EML1: variants seen among roughly 807,000 people sequenced by gnomAD.
EML1 encodes echinoderm microtubule-associated protein-like 1.
A neutral mutation model predicts 110.4 loss-of-function variants in EML1; 27 were observed. That is an observed-to-expected ratio of 0.24 (90% CI 0.18 to 0.34). EML1 has a LOEUF of 0.34. Among genes scored for constraint, EML1 ranks in the 10% least tolerant of loss-of-function variants. The pLI, the probability that EML1 is intolerant of heterozygous loss-of-function variation, is 1.00. For missense variants in EML1, 741 were observed against 1,030.9 expected (o/e 0.72, Z 3.85); for synonymous variants, 344 against 385.8 (o/e 0.89, Z 1.27).
intron 1 of EML1, among the ~76,000 whole-genome samples, chr14:99,801,787 G>A (rs1257318624): frequency 6.6e-6 from 1 of 152,058 alleles, no homozygotes; most frequent in Non-Finnish European, 1.5e-5. Flanking sequence ...GTTTGGTTTT[G>A]GCAGCAGACC....
chr14:99,828,030 A>G (rs1017464489), intron 1 of EML1, among the ~76,000 whole-genome samples: 7 of 152,304 alleles, frequency 4.6e-5, no homozygotes, highest in Admixed American at 1.3e-4. Context: ...AGGTCATTTC[A>G]TAGATGTTTG....
At chr14:99,865,461 T>C in intron 2 of EML1, 53 bp from the exon 3 acceptor site, 3 of 1,608,524 alleles carry the variant, frequency 1.9e-6, no homozygotes, top group Non-Finnish European at 2.5e-6. Context: ...TGCTGTAAAA[T>C]GTTACCTTTG....
At chr14:99,860,505 C>T (rs2058984895) in intron 2 of EML1, among the ~76,000 whole-genome samples, 1 of 152,194 alleles carries the variant, frequency 6.6e-6, no homozygotes, top group Admixed American at 6.5e-5. Flanking sequence ...TCAGACTCAA[C>T]ACTAGGAGGT....
rs1311701280 is a variant in EML1 at position 99,851,025 on chromosome 14, A to G, written c.240A>G (p.Gly80=). 1 of 1,612,784 alleles carries G rather than the reference A, an allele frequency of 6.2e-7. No homozygotes were observed. Among genetic ancestry groups the G allele is most frequent in the South Asian group, 1.1e-5 (1 of 91,004 alleles). ...AGCAGGCCGTGCTTAACAGGAAAGG[A>G]CCTACCAAAGGTGGGCGTTTGAGTG... The part of the protein sequence containing the change: ...EEQQAVLNRK[G]PTKARPLMQT... Residue 80 remains glycine (G), a synonymous_variant, in exon 2 of 22, where the codon GGA becomes GGG. Coordinates refer to ENST00000262233, the MANE Select transcript of EML1 (RefSeq NM_004434.3).
chr14:99,882,684 C>T (rs949281113), intron 4 of EML1, among the ~76,000 whole-genome samples: 3 of 143,898 alleles, frequency 2.1e-5, no homozygotes, highest in Non-Finnish European at 4.5e-5. Context: ...AAGAAAATTG[C>T]CAAAAAAATC....
At chr14:99,839,769 G>A (rs1365053167) in intron 1 of EML1, among the ~76,000 whole-genome samples, 2 of 152,200 alleles carry the variant, frequency 1.3e-5, no homozygotes, top group Admixed American at 1.3e-4. Context: ...TTATTTTGAG[G>A]TGGGATCGAT....
rs151228442 is a variant in EML1 at position 99,898,287 on chromosome 14, A to G, written c.882A>G (p.Thr294=). The G allele has an allele frequency of 1.2e-4, 195 of 1,611,642 alleles. 1 individual carries two copies. Among genetic ancestry groups the G allele is most frequent in the South Asian group, 1.2e-3 (105 of 90,674 alleles). ...TAGCAACAGGACAAGTTGCGGGCACATCGAAGGATGGAAAAGTGAGTTACG... is the reference window on the plus strand; with the variant it reads ...TAGCAACAGGACAAGTTGCGGGCACGTCGAAGGATGGAAAAGTGAGTTACG... The part of the protein sequence containing the change: ...ITIATGQVAG[T]SKDGKQLPPH... Residue 294 remains threonine (T), a synonymous_variant, in exon 8 of 22, where the codon ACA becomes ACG. Transcript: ENST00000262233.
intron 1 of EML1, among the ~76,000 whole-genome samples, chr14:99,738,343 C>T (rs139180300): frequency 5.9e-5 from 9 of 152,232 alleles, no homozygotes. Flanking sequence ...TGTGTGCCCT[C>T]ATATCCTCTA....
chr14:99,743,618 G>T (rs186261739), intron 1 of EML1, among the ~76,000 whole-genome samples: 1 of 152,140 alleles, frequency 6.6e-6, no homozygotes, highest in Non-Finnish European at 1.5e-5. Flanking sequence ...CCCAAGTCCC[G>T]ACATCAGGCA....
intron 1 of EML1, among the ~76,000 whole-genome samples, chr14:99,786,008 C>T (rs930388867): frequency 2.0e-5 from 3 of 146,878 alleles, no homozygotes; most frequent in Non-Finnish European, 4.4e-5. Flanking sequence ...GGCACATTCA[C>T]GGCTAGTTCA....
intron 1 of EML1, among the ~76,000 whole-genome samples, chr14:99,823,881 T>C (rs981712572): frequency 2.0e-5 from 3 of 152,174 alleles, no homozygotes; most frequent in African/African-American, 7.2e-5. Context: ...TCCCTGATTC[T>C]TCCAGGCTAA....
chr14:99,860,997 A>G (rs552582511), intron 2 of EML1, among the ~76,000 whole-genome samples: 263 of 152,158 alleles, frequency 1.7e-3, no homozygotes, highest in Middle Eastern at 6.8e-3. Flanking sequence ...CCTATTTTCT[A>G]TTTCTTCTTT....
Position 99,940,163 on chromosome 14 carries a change from G to T in EML1, c.*51G>T, listed in dbSNP as rs758418746. ...GCATGGGCAAGGAAGACACAGACTC[G>T]CATTACCCTTGGTCACTGTGATTTC... On this transcript the variant is annotated 3_prime_UTR_variant, in exon 22 of 22. Transcript: ENST00000262233. 4 of 1,432,766 alleles carry T rather than the reference G, an allele frequency of 2.8e-6. No individual in the cohort carries two copies. The highest frequency in any genetic ancestry group is 2.8e-6 in the Non-Finnish European group (3 of 1,088,900). The allele number at this position is 1,432,766 out of a possible 1,614,324, so 88.8% of individuals were successfully genotyped here.
In EML1 at chr14:99,917,832, C is replaced by CG; in HGVS notation, c.1805dup (p.Thr603AsnfsTer10). The stretch of plus-strand genomic sequence containing the variant: ...ATCCTTCAGGGTCTGTGGTTGCAGT[C>CG]GGAACACTCACTGGGAGGTAAGTCC... On this transcript the variant is annotated frameshift_variant, in exon 16 of 22. Coordinates refer to ENST00000262233, the MANE Select transcript of EML1 (RefSeq NM_004434.3). LOFTEE classifies it high-confidence loss of function. 1 of 1,614,142 alleles carries CG rather than the reference C, an allele frequency of 6.2e-7. No homozygotes were observed. Among genetic ancestry groups the CG allele is most frequent in the Non-Finnish European group, 8.5e-7 (1 of 1,180,030 alleles).
chr14:99,893,976 T>G (rs1401990055), intron 5 of EML1, among the ~76,000 whole-genome samples: 2 of 152,254 alleles, frequency 1.3e-5, no homozygotes, highest in African/African-American at 2.4e-5. Flanking sequence ...AAAGTTATTT[T>G]ATTATAGAAA....
chr14:99,792,320 T>C (rs2057684682), upstream of EML1, among the ~76,000 whole-genome samples: 1 of 152,244 alleles, frequency 6.6e-6, no homozygotes, highest in Non-Finnish European at 1.5e-5. Context: ...AACTGAATTA[T>C]GACTGATGCA....
chr14:99,803,818 C>T (rs975207746), intron 1 of EML1, among the ~76,000 whole-genome samples: 2 of 152,138 alleles, frequency 1.3e-5, no homozygotes, highest in African/African-American at 4.8e-5. Flanking sequence ...AGTTGAGAAA[C>T]GATTGAATGG....
intron 1 of EML1, among the ~76,000 whole-genome samples, chr14:99,754,799 C>T (rs1252062319): frequency 4.6e-5 from 7 of 152,146 alleles, no homozygotes; most frequent in Admixed American, 4.6e-4. Context: ...GGAGCCCACG[C>T]AGTGCTGGAG....
chr14:99,912,648 G>A (rs903591202), intron 13 of EML1, among the ~76,000 whole-genome samples: 1 of 152,206 alleles, frequency 6.6e-6, no homozygotes, highest in African/African-American at 2.4e-5. Flanking sequence ...CTTCATCTGA[G>A]CTTTGGAAAT....
Sources: allele counts gnomAD v4.1 joint callset (sites outside exome capture counted in the v4.1 genomes callset), GRCh38; gene constraint gnomAD v4.1.1; transcripts MANE v1.5; gene names NCBI Gene and HGNC (gene_info 2026-07-23, HGNC 2026-07-21).